CTNNA2: variants seen among roughly 807,000 people sequenced by gnomAD.
CTNNA2 encodes catenin alpha 2.
Under a neutral mutation model 101.0 loss-of-function variants are expected in CTNNA2, and 42 were observed. The observed-to-expected ratio is 0.42, with a 90% CI of 0.32 to 0.54. CTNNA2 has a LOEUF of 0.54. CTNNA2 is among the 20% of genes least tolerant of loss of function. The probability of loss-of-function intolerance (pLI) is 0.14; values close to 1 mark genes in which losing one functional copy is unlikely to be tolerated. For missense variants in CTNNA2, 871 were observed against 1,223.1 expected, an observed-to-expected ratio of 0.71 and a Z score of 4.29; for synonymous variants, 450 against 456.4, an observed-to-expected ratio of 0.99 and a Z score of 0.18.
chr2:80,228,430 C>G (rs996657589), intron 7 of CTNNA2, among the ~76,000 whole-genome samples: 2 of 152,276 alleles, frequency 1.3e-5, no homozygotes, highest in African/African-American at 4.8e-5. Flanking sequence ...CCTTTATGAC[C>G]TAATCATCTT....
intron 4 of CTNNA2, among the ~76,000 whole-genome samples, chr2:79,455,361 A>C (rs967597035): frequency 6.6e-6 from 1 of 152,042 alleles, no homozygotes; most frequent in Non-Finnish European, 1.5e-5. Context: ...AAAGGAGAAA[A>C]GTAAGGTCAT....
At chr2:79,621,406 A>G (rs567954017) in intron 1 of CTNNA2, among the ~76,000 whole-genome samples, 3 of 152,316 alleles carry the variant, frequency 2.0e-5, no homozygotes, top group South Asian at 4.1e-4. Context: ...TTGTACTGCC[A>G]TAAAGTAAGG....
chr2:80,604,598 T>G (rs1697843774), intron 16 of CTNNA2, among the ~76,000 whole-genome samples: 1 of 152,044 alleles, frequency 6.6e-6, no homozygotes, highest in Non-Finnish European at 1.5e-5. Context: ...TTTGTTTACT[T>G]CATGGTGCTT....
chr2:79,258,778 T>C (rs1335473031), intron 2 of CTNNA2, among the ~76,000 whole-genome samples: 1 of 147,122 alleles, frequency 6.8e-6, no homozygotes, highest in East Asian at 2.0e-4. Context: ...GAAGGGGAAC[T>C]TGTGCACCTA....
At chr2:80,585,318 G>A (rs1194219023) in intron 14 of CTNNA2, among the ~76,000 whole-genome samples, 7 of 152,180 alleles carry the variant, frequency 4.6e-5, no homozygotes, top group African/African-American at 9.6e-5. Flanking sequence ...AACAATCACC[G>A]AAAAATGGTT....
At chr2:80,401,518 T>C (rs1243533582) in intron 8 of CTNNA2, among the ~76,000 whole-genome samples, 1 of 152,212 alleles carries the variant, frequency 6.6e-6, no homozygotes, top group African/African-American at 2.4e-5. Flanking sequence ...TTTGGGAGAT[T>C]CTGACTTCAT....
rs1246849753 is a variant in CTNNA2 at position 80,619,352 on chromosome 2, T to A, written c.2574+124T>A. On this transcript the variant is annotated intron_variant, in intron 18 of 18. Coordinates refer to ENST00000402739, the MANE Select transcript of CTNNA2 (RefSeq NM_001282597.3). ...GAAGGCCTCTTAATATTAACCAACT[T>A]TGGGCAAAGGACTTATTTATTCTTT... The A allele has an allele frequency of 2.7e-6, 3 of 1,096,526 alleles. No homozygotes were observed. The South Asian group carries it at 9.5e-5, about 35-fold the overall frequency. 67.9% of individuals were successfully genotyped at this position (1,096,526 alleles called of 1,614,324 possible).
intron 7 of CTNNA2, among the ~76,000 whole-genome samples, chr2:80,284,308 A>T (rs1477215214): frequency 6.6e-6 from 1 of 152,164 alleles, no homozygotes; most frequent in Admixed American, 6.6e-5. Flanking sequence ...TTCTCAGGCC[A>T]ATCAATTTTA....
intron 2 of CTNNA2, among the ~76,000 whole-genome samples, chr2:79,302,387 C>T (rs1476482398): frequency 6.6e-6 from 1 of 152,118 alleles, no homozygotes; most frequent in Non-Finnish European, 1.5e-5. Flanking sequence ...GCTCTGTTCA[C>T]TTATAAAATA....
intron 9 of CTNNA2, among the ~76,000 whole-genome samples, chr2:80,492,133 TG>T (rs1337915641): frequency 1.3e-5 from 2 of 152,170 alleles, no homozygotes; most frequent in Non-Finnish European, 2.9e-5. Context: ...GATTGGATCA[TG>T]GGGGTGGATT....
At chr2:79,850,042 C>T (rs1680546363) in intron 3 of CTNNA2, among the ~76,000 whole-genome samples, 1 of 152,180 alleles carries the variant, frequency 6.6e-6, no homozygotes, top group Non-Finnish European at 1.5e-5. Flanking sequence ...AACTCAAATG[C>T]ATGCATGCAC....
chr2:79,835,899 A>G (rs115073688), intron 3 of CTNNA2, among the ~76,000 whole-genome samples: 4,321 of 152,024 alleles, frequency 0.028, 164 homozygotes, highest in African/African-American at 0.084. Flanking sequence ...CCAAAGTGTC[A>G]GAATTACAGG....
intron 4 of CTNNA2, among the ~76,000 whole-genome samples, chr2:79,375,605 G>A (rs1036394984): frequency 6.6e-6 from 1 of 151,882 alleles, no homozygotes; most frequent in Non-Finnish European, 1.5e-5. Context: ...GAAGAAAATA[G>A]GCCTGTTAAA....
At chr2:80,335,473 G>A (rs1207296206) in intron 7 of CTNNA2, among the ~76,000 whole-genome samples, 1 of 152,166 alleles carries the variant, frequency 6.6e-6, no homozygotes, top group South Asian at 2.1e-4. Context: ...CCACAGGGCT[G>A]TGGGGTCTGA....
At chr2:80,555,975 C>G in intron 12 of CTNNA2, 82 bp downstream of exon 12, 1 of 983,994 alleles carries the variant, frequency 1.0e-6, no homozygotes, top group Non-Finnish European at 1.4e-6. Context: ...TCATTGATTT[C>G]TGTAGGCCTT....
intron 1 of CTNNA2, among the ~76,000 whole-genome samples, chr2:79,546,017 C>T (rs1057287766): frequency 2.0e-5 from 3 of 152,030 alleles, no homozygotes; most frequent in Admixed American, 2.0e-4. Context: ...AGTACCATAC[C>T]CAAGATTGCC....
At chr2:79,927,351 G>T (rs910537333) in intron 7 of CTNNA2, among the ~76,000 whole-genome samples, 68 of 152,076 alleles carry the variant, frequency 4.5e-4, no homozygotes, top group African/African-American at 1.6e-3. Context: ...GGTGGAGAGT[G>T]GCTCTTGAGA....
Position 79,824,849 on chromosome 2 carries a change from T to C in CTNNA2, c.299-33164T>C, listed in dbSNP as rs17017970. On this transcript the variant is annotated intron_variant, in intron 3 of 18. Transcript: ENST00000402739. ...TATCAAATATAATTTGTTTTCAAAT[T>C]CCTCAACATTTGTTAATTCTTGTGT... 4.5e-3 allele frequency among the ~76,000 whole-genome samples: 681 copies of C among 152,278 alleles called. 14 individuals are homozygous for C. Among genetic ancestry groups the C allele is most frequent in the East Asian group, 0.041 (211 of 5,170 alleles).
intron 11 of CTNNA2, among the ~76,000 whole-genome samples, chr2:80,554,948 A>T (rs891742230): frequency 2.0e-5 from 3 of 152,168 alleles, no homozygotes; most frequent in Non-Finnish European, 4.4e-5. Context: ...TCTCTATGCC[A>T]TTAGAGAGTG....
Sources: allele counts gnomAD v4.1 joint callset (sites outside exome capture counted in the v4.1 genomes callset), GRCh38; gene constraint gnomAD v4.1.1; transcripts MANE v1.5; gene names NCBI Gene and HGNC (gene_info 2026-07-23, HGNC 2026-07-21).